Variants in RAP1GDS1 observed in about 807,000 individuals in gnomAD.
The protein encoded by RAP1GDS1 is Rap1 GTPase-GDP dissociation stimulator 1.
RAP1GDS1 carries 35 observed loss-of-function variants against 71.1 expected under a neutral mutation model. That is an observed-to-expected ratio of 0.49 (90% CI 0.38 to 0.65). The LOEUF (loss-of-function observed/expected upper bound fraction) is 0.65, where lower values mean the gene tolerates loss of function less well. Among genes scored for constraint, RAP1GDS1 ranks in the 30% least tolerant of loss-of-function variants. The pLI, the probability that RAP1GDS1 is intolerant of heterozygous loss-of-function variation, is 0.00. For synonymous variants in RAP1GDS1, 229 were observed against 243.1 expected (o/e 0.94, Z 0.54); for missense variants, 663 against 706.1 (o/e 0.94, Z 0.69).
At chr4:98,303,304 A>G (rs1288948437) in intron 2 of RAP1GDS1, among the ~76,000 whole-genome samples, 1 of 152,170 alleles carries the variant, frequency 6.6e-6, no homozygotes, top group African/African-American at 2.4e-5. Flanking sequence ...TCACTCTTCA[A>G]CATGGCTGTT....
chr4:98,261,996 C>T (rs1216620972), intron 1 of RAP1GDS1, among the ~76,000 whole-genome samples: 2 of 152,256 alleles, frequency 1.3e-5, no homozygotes, highest in Non-Finnish European at 2.9e-5. Context: ...CGTGTAACTT[C>T]CTTCTCTGTC....
chr4:98,443,015 A>ATTTTTTTTTTTTTTTTTTTTTTT lies in RAP1GDS1; in HGVS notation c.*899_*921dup, dbSNP rs397994660. 1.1e-3 allele frequency: 146 copies of ATTTTTTTTTTTTTTTTTTTTTTT among 138,084 alleles called. No homozygotes were observed. Among genetic ancestry groups the ATTTTTTTTTTTTTTTTTTTTTTT allele is most frequent in the Middle Eastern group, 2.5e-3 (1 of 404 alleles). The allele number at this position is 138,084 out of a possible 1,614,324, so 8.6% of individuals were successfully genotyped here. A position where few individuals can be genotyped will look rare whatever the true frequency, so the allele number is the denominator to read the frequency against. ...TGAGTATAGTTCATTGAAGAATGGAATTTTTTTTTTTTTTTTTTTTTTTGC... is the reference window on the plus strand; with the variant it reads ...TGAGTATAGTTCATTGAAGAATGGAATTTTTTTTTTTTTTTTTTTTTTTTTTTTTTTTTTTTTTTTTTTTTTGC... On this transcript the variant is annotated 3_prime_UTR_variant, in exon 15 of 15. Transcript: ENST00000408927.
chr4:98,330,593 G>A (rs1733827116), intron 2 of RAP1GDS1, among the ~76,000 whole-genome samples: 2 of 149,640 alleles, frequency 1.3e-5, no homozygotes, highest in African/African-American at 2.5e-5. Flanking sequence ...GGGGCGGCCG[G>A]GCAGAGGCGC....
chr4:98,428,104 G>T (rs1331303826), intron 12 of RAP1GDS1, among the ~76,000 whole-genome samples: 1 of 152,014 alleles, frequency 6.6e-6, no homozygotes, highest in Non-Finnish European at 1.5e-5. Context: ...ACAAAATGGG[G>T]AAAGGGCACC....
chr4:98,437,682 A>C (rs1358796857), intron 14 of RAP1GDS1, among the ~76,000 whole-genome samples: 2 of 151,872 alleles, frequency 1.3e-5, no homozygotes, highest in African/African-American at 4.8e-5. Flanking sequence ...AGTCCCAGCT[A>C]CTCAGAAGGC....
intron 1 of RAP1GDS1, among the ~76,000 whole-genome samples, chr4:98,272,558 G>A (rs139402803): frequency 1.4e-4 from 22 of 152,292 alleles, no homozygotes; most frequent in African/African-American, 5.1e-4. Context: ...GGCCCTTTCT[G>A]TTGACCAGTG....
chr4:98,433,844 C>G (rs1750793171), intron 12 of RAP1GDS1, 92 bp from the exon 13 acceptor site: 42 of 1,303,802 alleles, frequency 3.2e-5, no homozygotes, highest in Non-Finnish European at 4.5e-5. Flanking sequence ...GACACTGTCG[C>G]AAAACCACTC....
chr4:98,326,296 A>G (rs952061049), intron 2 of RAP1GDS1, among the ~76,000 whole-genome samples: 15 of 152,172 alleles, frequency 9.9e-5, no homozygotes, highest in Non-Finnish European at 1.6e-4. Context: ...GTTACATAAA[A>G]TTATTCATTG....
At chr4:98,409,321 G>A (rs1239296576) in intron 7 of RAP1GDS1, 1 of 152,482 alleles carries the variant, frequency 6.6e-6, no homozygotes, top group Non-Finnish European at 1.5e-5. Context: ...AGAAGCATCT[G>A]ATATGTATTC....
intron 14 of RAP1GDS1, among the ~76,000 whole-genome samples, chr4:98,440,906 TGGTCTCAAACTCCC>T (rs1751773329): frequency 6.6e-6 from 1 of 152,196 alleles, no homozygotes; most frequent in African/African-American, 2.4e-5. Context: ...TTGGTCAGGC[TGGTCTCAAACTCCC>T]GACCTCAGGT....
At chr4:98,327,416 A>C (rs1191724839) in intron 2 of RAP1GDS1, among the ~76,000 whole-genome samples, 1 of 152,232 alleles carries the variant, frequency 6.6e-6, no homozygotes, top group Non-Finnish European at 1.5e-5. Flanking sequence ...GTTGCTGGGC[A>C]GATGTCTTTC....
Position 98,325,438 on chromosome 4 carries a change from C to G in RAP1GDS1, c.113-17701C>G, listed in dbSNP as rs1395625129. Among the ~76,000 whole-genome samples the G allele has an allele frequency of 1.5e-3, 224 of 151,758 alleles. 2 individuals are homozygous for G. Among genetic ancestry groups the G allele is most frequent in the African/African-American group, 5.0e-3 (205 of 41,320 alleles). ...CATTACTGGGTATATACCCAAATGA[C>G]TATAAATCATGCTGCTATAAAGACA... On this transcript the variant is annotated intron_variant, in intron 2 of 14. Coordinates refer to ENST00000408927, the MANE Select transcript of RAP1GDS1 (RefSeq NM_001100427.2).
chr4:98,321,250 T>C (rs1189323420), intron 2 of RAP1GDS1, among the ~76,000 whole-genome samples: 2 of 146,530 alleles, frequency 1.4e-5, no homozygotes, highest in Admixed American at 6.9e-5. Flanking sequence ...GAGCAAAGCC[T>C]CCAAGAAATA....
chr4:98,343,464 C>A, intron 3 of RAP1GDS1: 1 of 581,800 alleles, frequency 1.7e-6, no homozygotes, highest in Non-Finnish European at 2.9e-6. Context: ...ATAACCCATT[C>A]CTTCTCAGTA....
chr4:98,389,733 C>T (rs1307905900), intron 5 of RAP1GDS1, among the ~76,000 whole-genome samples: 1 of 152,126 alleles, frequency 6.6e-6, no homozygotes, highest in Non-Finnish European at 1.5e-5. Context: ...TACTTTTCAC[C>T]CCTCTTTTAC....
chr4:98,324,599 C>T (rs1198429329), intron 2 of RAP1GDS1, among the ~76,000 whole-genome samples: 71 of 144,776 alleles, frequency 4.9e-4, no homozygotes, highest in Non-Finnish European at 8.8e-4. Context: ...CAGAACAGAG[C>T]CCTCAGAAAT....
intron 12 of RAP1GDS1, among the ~76,000 whole-genome samples, chr4:98,431,107 A>G (rs1331997184): frequency 1.3e-5 from 2 of 152,220 alleles, no homozygotes; most frequent in East Asian, 3.8e-4. Flanking sequence ...CAAAGCCAGC[A>G]CTTTTCTTTA....
chr4:98,391,599 T>TTACTC lies in RAP1GDS1; in HGVS notation c.509-350_509-346dup, dbSNP rs527909219. On this transcript the variant is annotated intron_variant, in intron 5 of 14. Coordinates refer to ENST00000408927, the MANE Select transcript of RAP1GDS1 (RefSeq NM_001100427.2). ...TCTGTGATTTCCTGTAATGCAAATG[T>TTACTC]TACTCTAAATTTTTCACTCAAAAAC... Among the ~76,000 whole-genome samples the TTACTC allele has an allele frequency of 3.5e-4, 53 of 152,264 alleles. 1 individual carries two copies. In the South Asian group the frequency reaches 0.011, roughly 31 times the overall value.
At position 98,363,314 on chromosome 4, in the gene RAP1GDS1, T is replaced by A. The variant is rs118000721; in HGVS notation, c.361+10713T>A. On this transcript the variant is annotated intron_variant, in intron 4 of 14. Transcript: ENST00000408927. The stretch of plus-strand genomic sequence containing the variant: ...ACCAGCCTGGGCAACACAGCAAGAC[T>A]CTGTCTCTACAAAATAAAAAATGAG... 6.1e-3 allele frequency among the ~76,000 whole-genome samples: 926 copies of A among 151,616 alleles called. 48 individuals carry two copies. In the South Asian group the frequency reaches 0.11, roughly 18 times the overall value.
Sources: gnomAD v4.1 joint callset for allele counts (sites outside exome capture counted in the v4.1 genomes callset) on GRCh38, gnomAD v4.1.1 for gene constraint, MANE v1.5 for transcripts, NCBI Gene and HGNC (gene_info 2026-07-23, HGNC 2026-07-21) for gene names.